The following SIPA1L1 variants were observed in gnomAD, a reference collection of about 807,000 sequenced individuals.
The protein encoded by SIPA1L1 is signal-induced proliferation-associated 1-like protein 1.
In SIPA1L1, 26 loss-of-function variants were observed where a neutral mutation model predicts 162.7. The ratio of observed to expected loss-of-function variants is 0.16; its 90% CI spans 0.12 to 0.22. SIPA1L1 has a LOEUF of 0.22. Ranked by LOEUF, SIPA1L1 falls within the 10% of genes least tolerant of loss-of-function variation. SIPA1L1 has a pLI of 1.00. For missense variants in SIPA1L1, 1,874 were observed against 2,241.0 expected, an observed-to-expected ratio of 0.84 and a Z score of 3.31; for synonymous variants, 829 against 837.4, an observed-to-expected ratio of 0.99 and a Z score of 0.17.
intron 5 of SIPA1L1, among the ~76,000 whole-genome samples, chr14:71,590,032 A>ATATATAT (rs1307608804): frequency 3.1e-5 from 2 of 64,498 alleles, no homozygotes; most frequent in African/African-American, 5.8e-5. Flanking sequence ...AAAAAAAAAA[A>ATATATAT]AAAAAAAAAA....
intron 2 of SIPA1L1, among the ~76,000 whole-genome samples, chr14:71,444,678 G>C (rs2045206987): frequency 6.6e-6 from 1 of 152,158 alleles, no homozygotes; most frequent in African/African-American, 2.4e-5. Flanking sequence ...CTGGAGAATG[G>C]TGTCATGAGG....
chr14:71,529,238 A>G, intron 3 of SIPA1L1, 74 bp from the exon 4 acceptor site: 2 of 500,406 alleles, frequency 4.0e-6, no homozygotes, highest in Non-Finnish European at 3.6e-6. Context: ...AGACCTGTGT[A>G]AGTTATACAG....
In SIPA1L1 at chr14:71,618,939, C is replaced by CA. The variant is rs563617022; in HGVS notation, c.1629+55dup. The CA allele has an allele frequency of 4.4e-5, 69 of 1,584,300 alleles. No homozygotes were observed. The East Asian group carries it at 1.5e-3, about 34-fold the overall frequency. On this transcript the variant is annotated intron_variant, in intron 6 of 23. Transcript: ENST00000381232. ...GGTTTAACTGAAATGGGGAAGAAAG[C>CA]AAATAGTAGCAGTAGCAAAGCAATT...
intron 2 of SIPA1L1, among the ~76,000 whole-genome samples, chr14:71,490,423 T>C (rs1489330253): frequency 2.0e-5 from 3 of 152,210 alleles, no homozygotes; most frequent in Non-Finnish European, 4.4e-5. Flanking sequence ...TTTGGTACTT[T>C]TCAGCAACAC....
intron 5 of SIPA1L1, among the ~76,000 whole-genome samples, chr14:71,592,249 T>G (rs1169118564): frequency 6.6e-6 from 1 of 152,220 alleles, no homozygotes; most frequent in Non-Finnish European, 1.5e-5. Context: ...ACAGGCAATT[T>G]GTTACAGTAT....
intron 4 of SIPA1L1, among the ~76,000 whole-genome samples, chr14:71,564,844 TCAACTTAATAGTAAAATAAG>T (rs1224141151): frequency 3.9e-5 from 6 of 152,194 alleles, no homozygotes; most frequent in Non-Finnish European, 7.3e-5. Flanking sequence ...AGTGTAGCTG[TCAACTTAATAGTAAAATAAG>T]TACTAGTTAC....
intron 2 of SIPA1L1, among the ~76,000 whole-genome samples, chr14:71,435,818 C>G (rs1327239599): frequency 6.6e-6 from 1 of 152,176 alleles, no homozygotes; most frequent in African/African-American, 2.4e-5. Context: ...CCTATTTCTC[C>G]ACATCCTCTC....
At chr14:71,699,278 A>G (rs2081905702) in intron 14 of SIPA1L1, 151 bp downstream of exon 14, 1 of 771,798 alleles carries the variant, frequency 1.3e-6, no homozygotes, top group African/African-American at 1.8e-5. Context: ...CCAGATAGAA[A>G]AATGGCTTCA....
chr14:71,456,231 G>A (rs566865214), intron 2 of SIPA1L1, among the ~76,000 whole-genome samples: 2 of 152,250 alleles, frequency 1.3e-5, no homozygotes, highest in East Asian at 1.9e-4. Flanking sequence ...AAGCAGCCAC[G>A]GTAAAAAAGC....
rs1265960464 is a variant in SIPA1L1 at position 71,672,542 on chromosome 14, G to A, written c.3024G>A (p.Glu1008=). The A allele has an allele frequency of 1.2e-6, 2 of 1,614,208 alleles. No individual in the cohort carries two copies. Residue 1008 remains glutamate, a synonymous_variant, in exon 12 of 24, where the codon GAG becomes GAA. Coordinates refer to ENST00000381232, the MANE Select transcript of SIPA1L1 (RefSeq NM_001386936.1). ...CKVAVATLSH[E]QMIDLLRTSV... ...TGGCGGTAGCCACTCTGAGCCATGA[G>A]CAGATGATCGACCTCCTGAGAACAT...
intron 4 of SIPA1L1, among the ~76,000 whole-genome samples, chr14:71,542,454 CCTGCTG>C (rs577245408): frequency 1.3e-5 from 2 of 151,156 alleles, no homozygotes; most frequent in East Asian, 1.9e-4. Flanking sequence ...GCTTCTTCTT[CCTGCTG>C]CTGCTGCTGC....
At chr14:71,704,582 TTA>T in intron 15 of SIPA1L1, 2 of 633,920 alleles carry the variant, frequency 3.2e-6, no homozygotes, top group Non-Finnish European at 5.7e-6. Flanking sequence ...ATTCTTGCTA[TTA>T]GCTATAGTGG....
intron 17 of SIPA1L1, among the ~76,000 whole-genome samples, chr14:71,710,807 C>CAAAAAAAA (rs570414143): frequency 1.7e-5 from 1 of 57,560 alleles, no homozygotes; most frequent in Non-Finnish European, 4.0e-5. Context: ...GATTCTGTCT[C>CAAAAAAAA]AAAAAAAAAA....
chr14:71,383,241 G>A (rs2040049424), intron 2 of SIPA1L1, among the ~76,000 whole-genome samples: 1 of 152,148 alleles, frequency 6.6e-6, no homozygotes, highest in South Asian at 2.1e-4. Flanking sequence ...TTTTACAGAT[G>A]AAGAAATTGA....
At position 71,709,327 on chromosome 14, in the gene SIPA1L1, G is replaced by A. The variant is rs771656202; in HGVS notation, c.3871G>A (p.Glu1291Lys). The change falls in exon 17 of 24, where the codon GAA (glutamate) becomes AAA (lysine). Residue 1291 changes from glutamate (E) to lysine (K), a missense_variant. By Grantham distance (56) the Glu-to-Lys change is moderately conservative. This residue lies in a region of SIPA1L1 where 936 missense variants were observed against 1,051.9 expected (regional missense o/e 0.89). Coordinates refer to ENST00000381232, the MANE Select transcript of SIPA1L1 (RefSeq NM_001386936.1). ...GTACGATGGGGACCGCACAGAATCC[G>A]AACTCAACAGCTATAACTATCTGCA... is the stretch of plus-strand genomic sequence containing the variant. ...KWYDGDRTES[E>K]LNSYNYLQGT... The A allele has an allele frequency of 6.8e-6, 11 of 1,614,084 alleles. No homozygotes were observed. The highest frequency in any genetic ancestry group is 1.7e-5 in the Admixed American group (1 of 60,000).
intron 4 of SIPA1L1, among the ~76,000 whole-genome samples, chr14:71,556,893 C>A (rs149024100): frequency 6.6e-6 from 1 of 152,332 alleles, no homozygotes; most frequent in East Asian, 1.9e-4. Context: ...AGCTTTCCTT[C>A]CCGTAGGATA....
intron 16 of SIPA1L1, among the ~76,000 whole-genome samples, chr14:71,706,144 A>T (rs1218551904): frequency 6.6e-6 from 1 of 152,170 alleles, no homozygotes; most frequent in Non-Finnish European, 1.5e-5. Context: ...TGAATATTGA[A>T]GCTAAAAAAA....
chr14:71,531,897 G>GA (rs2053478113), intron 4 of SIPA1L1, among the ~76,000 whole-genome samples: 3 of 152,056 alleles, frequency 2.0e-5, no homozygotes, highest in Non-Finnish European at 4.4e-5. Context: ...CTCTTGCTTG[G>GA]AATGTTGCCT....
chr14:71,321,120 A>T lies in SIPA1L1; in HGVS notation c.-524-2A>T, dbSNP rs892687624. The T allele has an allele frequency of 6.6e-6, 1 of 151,742 alleles. No individual in the cohort carries two copies. The highest frequency in any genetic ancestry group is 1.5e-5 in the Non-Finnish European group (1 of 67,904). The allele number at this position is 151,742 out of a possible 1,614,324, so 9.4% of individuals were successfully genotyped here. A position where few individuals can be genotyped will look rare whatever the true frequency, so the allele number is the denominator to read the frequency against. Reference sequence around the variant, plus strand: ...GTCTACACGGTTTCTCTTTCTCCCCAGGGAGAGCGCGCGGCGGACGCGCCC... The same window carrying T: ...GTCTACACGGTTTCTCTTTCTCCCCTGGGAGAGCGCGCGGCGGACGCGCCC... On this transcript the variant is annotated splice_acceptor_variant, in intron 1 of 23. Coordinates refer to ENST00000381232, the MANE Select transcript of SIPA1L1 (RefSeq NM_001386936.1). LOFTEE classifies it low-confidence loss of function (5UTR_SPLICE).
Sources: gnomAD v4.1 joint callset for allele counts (sites outside exome capture counted in the v4.1 genomes callset) on GRCh38, gnomAD v4.1.1 for gene constraint, gnomAD v4.1.1 regional missense constraint, MANE v1.5 for transcripts, NCBI Gene and HGNC (gene_info 2026-07-23, HGNC 2026-07-21) for gene names.